The following RGS6 variants were observed in gnomAD, a reference collection of about 807,000 sequenced individuals.
RGS6 encodes regulator of G protein signaling 6.
A neutral mutation model predicts 78.5 loss-of-function variants in RGS6; 30 were observed. The observed-to-expected ratio is 0.38, with a 90% CI of 0.29 to 0.52. RGS6 has a LOEUF of 0.52. Among genes scored for constraint, RGS6 ranks in the 20% least tolerant of loss-of-function variants. The pLI is 0.85. For synonymous variants in RGS6, 206 were observed against 206.0 expected (o/e 1.00, Z 0.00); for missense variants, 495 against 609.7 (o/e 0.81, Z 1.98).
intron 3 of RGS6, 128 bp from the exon 4 acceptor site, chr14:72,454,400 G>A: frequency 5.6e-6 from 5 of 887,740 alleles, no homozygotes; most frequent in Non-Finnish European, 7.6e-6. Context: ...ACAAAAAAAA[G>A]TGCCCATATT....
At chr14:71,992,803 C>A (rs1428704764) in intron 2 of RGS6, among the ~76,000 whole-genome samples, 3 of 152,192 alleles carry the variant, frequency 2.0e-5, no homozygotes, top group Non-Finnish European at 2.9e-5. Context: ...TGTTTCTACA[C>A]CCTTGTCTAT....
chr14:71,889,800 C>G, the RGS6 span, among the ~76,000 whole-genome samples: 1 of 152,080 alleles, frequency 6.6e-6, no homozygotes, highest in African/African-American at 2.4e-5. Context: ...TGGGGGCAGG[C>G]GTCTCACGAA....
chr14:72,292,827 A>G (rs1168031132), intron 2 of RGS6, among the ~76,000 whole-genome samples: 1 of 152,184 alleles, frequency 6.6e-6, no homozygotes, highest in Non-Finnish European at 1.5e-5. Context: ...AAATCTCACC[A>G]CCTCCTGAAC....
intron 3 of RGS6, among the ~76,000 whole-genome samples, chr14:72,439,992 C>T (rs1385572382): frequency 1.3e-5 from 2 of 152,354 alleles, no homozygotes; most frequent in Admixed American, 1.3e-4. Context: ...CCCTAACCCA[C>T]CCAAACCTTT....
chr14:72,446,341 C>T (rs927801334), intron 3 of RGS6, among the ~76,000 whole-genome samples: 2 of 152,214 alleles, frequency 1.3e-5, no homozygotes, highest in Non-Finnish European at 2.9e-5. Flanking sequence ...AGGAAACAGA[C>T]ATCGATCAAA....
intron 2 of RGS6, among the ~76,000 whole-genome samples, chr14:72,123,806 C>A (rs1457846968): frequency 6.6e-6 from 1 of 152,118 alleles, no homozygotes; most frequent in Non-Finnish European, 1.5e-5. Flanking sequence ...ATAAGTATTT[C>A]TCCAAACTTT....
At chr14:71,894,215 A>AATG in the RGS6 span, among the ~76,000 whole-genome samples, 1 of 152,176 alleles carries the variant, frequency 6.6e-6, no homozygotes, top group South Asian at 2.1e-4. Flanking sequence ...GCCTTCTCAG[A>AATG]AAGTCAGGCA....
At chr14:72,587,368 G>T in the RGS6 span, among the ~76,000 whole-genome samples, 2,296 of 152,134 alleles carry the variant, frequency 0.015, 55 homozygotes, top group African/African-American at 0.052. Context: ...GAGGTGTTTT[G>T]TTGCTGGGGG....
At chr14:72,238,183 T>A (rs867245527) in intron 2 of RGS6, among the ~76,000 whole-genome samples, 5 of 152,170 alleles carry the variant, frequency 3.3e-5, no homozygotes, top group Admixed American at 1.3e-4. Flanking sequence ...CGCATCTGTT[T>A]ATAGTTTCGG....
intron 6 of RGS6, 73 bp from the exon 7 acceptor site, chr14:72,465,685 G>C: frequency 9.3e-7 from 1 of 1,070,910 alleles, no homozygotes; most frequent in Non-Finnish European, 1.4e-6. Flanking sequence ...TGGATGGACA[G>C]ATGGATGGAT....
intron 1 of RGS6, among the ~76,000 whole-genome samples, chr14:71,938,027 C>G (rs981425039): frequency 1.3e-5 from 2 of 152,200 alleles, no homozygotes; most frequent in East Asian, 3.9e-4. Flanking sequence ...GCCACCATGG[C>G]CACTTTGTTC....
chr14:72,337,674 G>T (rs1595958394), intron 2 of RGS6, among the ~76,000 whole-genome samples: 1 of 152,286 alleles, frequency 6.6e-6, no homozygotes, highest in East Asian at 1.9e-4. Context: ...TGCAGGCTCT[G>T]CCTTACACTT....
the RGS6 span, among the ~76,000 whole-genome samples, chr14:72,604,703 G>A: frequency 1.3e-5 from 2 of 152,240 alleles, no homozygotes; most frequent in Non-Finnish European, 1.5e-5. Flanking sequence ...GTGCTGGTAC[G>A]ACCCTCCTTA....
intron 3 of RGS6, among the ~76,000 whole-genome samples, chr14:72,442,094 G>A (rs976347133): frequency 2.0e-5 from 3 of 152,126 alleles, no homozygotes; most frequent in African/African-American, 4.8e-5. Flanking sequence ...TTTCCCTCTG[G>A]TTCTTAAGCT....
At chr14:71,872,950 GA>G in the RGS6 span, among the ~76,000 whole-genome samples, 1 of 152,164 alleles carries the variant, frequency 6.6e-6, no homozygotes, top group Non-Finnish European at 1.5e-5. Context: ...CTTCATCCAT[GA>G]CCCTACAAAG....
intron 6 of RGS6, chr14:72,464,603 C>T (rs2153273636): frequency 6.6e-6 from 1 of 152,354 alleles, no homozygotes; most frequent in South Asian, 2.1e-4. Context: ...CAGGTTCTCT[C>T]TGGCCCTCCC....
intron 2 of RGS6, among the ~76,000 whole-genome samples, chr14:72,324,521 A>G (rs954538925): frequency 1.3e-5 from 2 of 152,004 alleles, no homozygotes; most frequent in Non-Finnish European, 2.9e-5. Flanking sequence ...CCTACCCCAC[A>G]ACAGGCCCAG....
chr14:72,601,807 C>T, the RGS6 span, among the ~76,000 whole-genome samples: 14 of 152,220 alleles, frequency 9.2e-5, no homozygotes, highest in Non-Finnish European at 1.6e-4. Flanking sequence ...CACATAGGTG[C>T]CTGACATAAT....
At chr14:72,316,395 C>A (rs1212885482) in intron 2 of RGS6, among the ~76,000 whole-genome samples, 1 of 152,128 alleles carries the variant, frequency 6.6e-6, no homozygotes, top group Non-Finnish European at 1.5e-5. Flanking sequence ...CATGCACCCA[C>A]CCCACAACAG....
Sources: gnomAD v4.1 joint callset for allele counts (sites outside exome capture counted in the v4.1 genomes callset) on GRCh38, gnomAD v4.1.1 for gene constraint, MANE v1.5 for transcripts, NCBI Gene and HGNC (gene_info 2026-07-23, HGNC 2026-07-21) for gene names.